The following NXF2B variants were observed in gnomAD, a reference collection of about 807,000 sequenced individuals.
The protein encoded by NXF2B is nuclear RNA export factor 2B.
chrX:102,398,151 CAT>C (rs1432602661), intron 2 of NXF2B, among the ~76,000 whole-genome samples: 3 of 69,936 alleles, frequency 4.3e-5, no homozygotes, highest in Non-Finnish European at 5.6e-5. Flanking sequence ...AGCCAACAAA[CAT>C]ATGAAAAAAA....
At chrX:102,435,905 A>C (rs1182646050) in intron 2 of NXF2B, among the ~76,000 whole-genome samples, 1 of 37,825 alleles carries the variant, frequency 2.6e-5, no homozygotes, top group African/African-American at 8.8e-5. Context: ...AGGCGGGAGG[A>C]TCACTGGAGG....
At position 102,438,540 on chromosome X, in the gene NXF2B, T is replaced by C. The variant is rs1258134320; in HGVS notation, c.-54+13A>G. 1 of 62,559 alleles carries C rather than the reference T, an allele frequency of 1.6e-5. No homozygotes were observed. Among genetic ancestry groups the C allele is most frequent in the East Asian group, 2.9e-4 (1 of 3,489 alleles). The allele number at this position is 62,559 out of a possible 1,213,427, so 5.2% of individuals were successfully genotyped here. ...GAGACAAACACAAATTGAGAGACAT[T>C]CCACAAAATTACCTGACTGGTATCT... On this transcript the variant is annotated intron_variant, in intron 2 of 22. Transcript: ENST00000602195.
Position 102,412,632 on chromosome X carries a change from AAGAAG to A in NXF2B, c.-54+25916_-54+25920del, listed in dbSNP as rs1569471561. Among the ~76,000 whole-genome samples, 7 of 27,439 alleles carry A rather than the reference AAGAAG, an allele frequency of 2.6e-4. 1 individual carries two copies. The highest frequency in any genetic ancestry group is 5.6e-4 in the Non-Finnish European group (7 of 12,390). The allele number at this position is 27,439 out of a possible 115,157, so 23.8% of individuals were successfully genotyped here. A position where few individuals can be genotyped will look rare whatever the true frequency, so the allele number is the denominator to read the frequency against. On this transcript the variant is annotated intron_variant, in intron 2 of 22. Coordinates refer to the NXF2B transcript ENST00000602195. ...GAAGAAGAAGAAGAAGAAGAAGAAG[AAGAAG>A]AAGAAGAAGTAGTCATCATCGTCGT... is the stretch of plus-strand genomic sequence containing the variant.
chrX:102,377,297 AAGCATATAAG>A (rs1934243541), intron 1 of NXF2B, among the ~76,000 whole-genome samples: 1 of 74,742 alleles, frequency 1.3e-5, no homozygotes. Context: ...CAGTACAGGA[AAGCATATAAG>A]AATGTTTAAG....
At chrX:102,438,296 G>A (rs1334405626) in intron 2 of NXF2B, among the ~76,000 whole-genome samples, 5 of 16,995 alleles carry the variant, frequency 2.9e-4, no homozygotes, top group Non-Finnish European at 4.6e-4. Context: ...GACACTGTGT[G>A]GCTCTACCTG....
At chrX:102,397,843 C>T (rs1339212299) in intron 2 of NXF2B, among the ~76,000 whole-genome samples, 4 of 114,013 alleles carry the variant, frequency 3.5e-5, no homozygotes, top group Non-Finnish European at 7.5e-5. Flanking sequence ...TACAAGAACT[C>T]GTTCCTACGA....
At chrX:102,397,558 T>G (rs1934328982) in intron 2 of NXF2B, among the ~76,000 whole-genome samples, 1 of 62,223 alleles carries the variant, frequency 1.6e-5, no homozygotes, top group Non-Finnish European at 3.1e-5. Flanking sequence ...GACTTAAATG[T>G]TAGACCTAAA....
chrX:102,408,229 CA>C (rs1160843335), intron 2 of NXF2B, among the ~76,000 whole-genome samples: 417 of 4,140 alleles, frequency 0.1, 9 homozygotes, highest in African/African-American at 0.19. Flanking sequence ...AACCTCAAAC[CA>C]AAAAAAAAAA....
chrX:102,435,717 A>G (rs1260473148), intron 2 of NXF2B, among the ~76,000 whole-genome samples: 8 of 80,044 alleles, frequency 1.0e-4, no homozygotes, highest in Admixed American at 3.1e-4. Flanking sequence ...CAATAATCCT[A>G]CTAGTGGGAA....
At chrX:102,398,035 T>A (rs1304781605) in intron 2 of NXF2B, among the ~76,000 whole-genome samples, 1 of 23,292 alleles carries the variant, frequency 4.3e-5, no homozygotes, top group African/African-American at 1.9e-4. Context: ...AGAAACTCAA[T>A]AAAAATCGGC....
At chrX:102,405,151 G>C (rs1431185925) in intron 2 of NXF2B, among the ~76,000 whole-genome samples, 8 of 96,296 alleles carry the variant, frequency 8.3e-5, no homozygotes, top group African/African-American at 3.2e-4. Flanking sequence ...TTAGCCGGGC[G>C]TGGTGGCGGG....
At chrX:102,412,537 GA>G (rs1337992096) in intron 2 of NXF2B, among the ~76,000 whole-genome samples, 86 of 2,587 alleles carry the variant, frequency 0.033, 18 homozygotes, top group South Asian at 0.097. Flanking sequence ...AGAAGAAGAA[GA>G]AGAAGAAGAA....
intron 2 of NXF2B, among the ~76,000 whole-genome samples, chrX:102,405,104 AC>A (rs1312978999): frequency 1.1e-5 from 1 of 88,468 alleles, no homozygotes; most frequent in Non-Finnish European, 2.2e-5. Flanking sequence ...ACACGGTGGA[AC>A]CCCGTCTCTA....
chrX:102,397,984 A>T (rs1195378529), intron 2 of NXF2B, among the ~76,000 whole-genome samples: 6 of 110,907 alleles, frequency 5.4e-5, no homozygotes, highest in Non-Finnish European at 1.1e-4. Flanking sequence ...AAACATTCAC[A>T]AACCCTGCAT....
At chrX:102,435,755 T>C (rs1259724625) in intron 2 of NXF2B, among the ~76,000 whole-genome samples, 1 of 86,923 alleles carries the variant, frequency 1.2e-5, no homozygotes, top group South Asian at 6.4e-4. Flanking sequence ...TTTCTACCAA[T>C]ACAAAAAAAA....
At chrX:102,407,844 AAGG>A (rs1207530219) in intron 2 of NXF2B, among the ~76,000 whole-genome samples, 16 of 101,607 alleles carry the variant, frequency 1.6e-4, no homozygotes, top group Admixed American at 9.2e-4. Context: ...TCAGAAAGAA[AAGG>A]ACGTTAATGA....
At chrX:102,412,592 G>GA (rs1200277263) in intron 2 of NXF2B, among the ~76,000 whole-genome samples, 515 of 23,523 alleles carry the variant, frequency 0.022, 132 homozygotes, top group Middle Eastern at 0.067. Flanking sequence ...GGAAGAGGAA[G>GA]AGGAAGAAGA....
At chrX:102,377,197 CGA>C (rs1244863265) in intron 1 of NXF2B, among the ~76,000 whole-genome samples, 51 of 69,853 alleles carry the variant, frequency 7.3e-4, no homozygotes, top group South Asian at 5.3e-3. Flanking sequence ...AGAGAGAGAG[CGA>C]GAGAGAGAGA....
chrX:102,438,358 G>T (rs1345357203), intron 2 of NXF2B, among the ~76,000 whole-genome samples, 195 bp downstream of exon 2: 1 of 21,659 alleles, frequency 4.6e-5, no homozygotes, highest in East Asian at 5.8e-4. Flanking sequence ...CTGATAAATT[G>T]CTGTGGATTC....
Sources: gnomAD v4.1 joint callset for allele counts (sites outside exome capture counted in the v4.1 genomes callset) on GRCh38, gnomAD v4.1.1 for gene constraint, MANE v1.5 for transcripts, NCBI Gene and HGNC (gene_info 2026-07-23, HGNC 2026-07-21) for gene names.